PCDHA13: variants seen among roughly 807,000 people sequenced by gnomAD.
The protein encoded by PCDHA13 is protocadherin alpha-13.
Under a neutral mutation model 64.8 loss-of-function variants are expected in PCDHA13, and 54 were observed. That is an observed-to-expected ratio of 0.83 (90% CI 0.67 to 1.04). The LOEUF is 1.04. PCDHA13 is among the 50% of genes least tolerant of loss of function. The pLI is 0.00. For missense variants in PCDHA13, 1,248 were observed against 1,254.3 expected, an observed-to-expected ratio of 0.99 and a Z score of 0.08; for synonymous variants, 587 against 564.4, an observed-to-expected ratio of 1.04 and a Z score of -0.57.
intron 1 of PCDHA13, among the ~76,000 whole-genome samples, chr5:140,894,571 T>C (rs782019282): frequency 2.0e-5 from 3 of 151,906 alleles, no homozygotes; most frequent in Non-Finnish European, 4.4e-5. Flanking sequence ...TTATTTTCCT[T>C]TTTTTTAATA....
intron 1 of PCDHA13, among the ~76,000 whole-genome samples, chr5:140,900,673 A>G (rs936784929): frequency 3.3e-5 from 5 of 152,210 alleles, no homozygotes; most frequent in African/African-American, 1.2e-4. Flanking sequence ...GAGTGCAGTT[A>G]TCTCTTCAAT....
intron 1 of PCDHA13, among the ~76,000 whole-genome samples, chr5:140,971,749 CAT>C (rs143190557): frequency 0.047 from 7,111 of 152,104 alleles, 190 homozygotes; most frequent in Non-Finnish European, 0.062. Context: ...ACATATATCT[CAT>C]ATTACTGAAT....
chr5:140,939,673 T>C (rs1235567287), intron 1 of PCDHA13, among the ~76,000 whole-genome samples: 1 of 152,196 alleles, frequency 6.6e-6, no homozygotes, highest in African/African-American at 2.4e-5. Context: ...CCAACTTGTA[T>C]GTATGTGTGT....
At chr5:140,956,174 C>T (rs1353306679) in intron 1 of PCDHA13, among the ~76,000 whole-genome samples, 1 of 152,154 alleles carries the variant, frequency 6.6e-6, no homozygotes. Context: ...GCCAGAACTT[C>T]CAATACTATG....
At chr5:140,916,539 A>G (rs114063131) in intron 1 of PCDHA13, among the ~76,000 whole-genome samples, 1,727 of 152,262 alleles carry the variant, frequency 0.011, 30 homozygotes, top group African/African-American at 0.038. Context: ...CACCAAGGCA[A>G]TGGGTTTTCT....
intron 1 of PCDHA13, chr5:140,929,010 G>C (rs1554206575): frequency 6.2e-7 from 1 of 1,614,128 alleles, no homozygotes; most frequent in Non-Finnish European, 8.5e-7. Flanking sequence ...TGTGTACCAA[G>C]TTGCACCAGA....
chr5:140,971,547 C>T (rs904044424), intron 1 of PCDHA13, among the ~76,000 whole-genome samples: 3 of 152,074 alleles, frequency 2.0e-5, no homozygotes, highest in Non-Finnish European at 4.4e-5. Flanking sequence ...GCCAGATCAA[C>T]CTGTTAAATT....
intron 3 of PCDHA13, among the ~76,000 whole-genome samples, chr5:140,992,722 C>T (rs1455058842): frequency 1.3e-5 from 2 of 152,154 alleles, no homozygotes; most frequent in Non-Finnish European, 2.9e-5. Context: ...ATTCGTAAAT[C>T]CCACCTGCTT....
Position 140,882,798 on chromosome 5 carries a change from A to AT in PCDHA13, c.533dup (p.Thr179HisfsTer9). 6.2e-7 allele frequency: 1 copy of AT among 1,614,236 alleles called. No homozygotes were observed. The highest frequency in any genetic ancestry group is 8.5e-7 in the Non-Finnish European group (1 of 1,180,034). ...ACCTACCGACTGGATCCCAACGATTATTTCACTTTGGACGCACAAAACAGT... is the reference window on the plus strand; with the variant it reads ...ACCTACCGACTGGATCCCAACGATTATTTTCACTTTGGACGCACAAAACAGT... On this transcript the variant is annotated frameshift_variant, in exon 1 of 4. Transcript: ENST00000289272. LOFTEE classifies it high-confidence loss of function.
rs782330844 is a variant in PCDHA13, at chr5:140,882,766, G to C, written c.498G>C (p.Ser166=). The C allele has an allele frequency of 6.2e-7, 1 of 1,614,184 alleles. No homozygotes were observed. Among genetic ancestry groups the C allele is most frequent in the Non-Finnish European group, 8.5e-7 (1 of 1,180,048 alleles). The change falls in exon 1 of 4, where the codon TCG becomes TCC. Residue 166 remains serine (S), a synonymous_variant. Coordinates refer to ENST00000289272, the MANE Select transcript of PCDHA13 (RefSeq NM_018904.3). ...CCGATGCAGATATTGGAGTAAACTC[G>C]GCATTGACCTACCGACTGGATCCCA... The part of the protein sequence containing the change: ...GASDADIGVN[S]ALTYRLDPND...
intron 1 of PCDHA13, among the ~76,000 whole-genome samples, chr5:140,918,860 A>G (rs1264660506): frequency 6.6e-6 from 1 of 152,218 alleles, no homozygotes; most frequent in Non-Finnish European, 1.5e-5. Context: ...TGCCTGAATC[A>G]TGAACTTTCA....
At chr5:140,895,666 T>A (rs538311323) in intron 1 of PCDHA13, among the ~76,000 whole-genome samples, 24 of 152,288 alleles carry the variant, frequency 1.6e-4, no homozygotes, top group African/African-American at 5.8e-4. Context: ...AGTGAGAACA[T>A]GTAGTATTTG....
At chr5:140,890,822 A>G (rs1044008204) in intron 1 of PCDHA13, among the ~76,000 whole-genome samples, 1 of 152,186 alleles carries the variant, frequency 6.6e-6, no homozygotes, top group Non-Finnish European at 1.5e-5. Context: ...TTTTAAATGT[A>G]CTTACATATT....
Position 140,978,929 on chromosome 5 carries a change from C to T in PCDHA13, c.2395-20C>T. 6.2e-7 allele frequency: 1 copy of T among 1,613,998 alleles called. No homozygotes were observed. Among genetic ancestry groups the T allele is most frequent in the Non-Finnish European group, 8.5e-7 (1 of 1,179,996 alleles). On this transcript the variant is annotated intron_variant, in intron 1 of 3. Coordinates refer to ENST00000289272, the MANE Select transcript of PCDHA13 (RefSeq NM_018904.3). ...ATTGTCTTGTCATTTTAACAGAAAACTCTCTTTGTGATTTTGCAGCCACGA... is the reference window on the plus strand; with the variant it reads ...ATTGTCTTGTCATTTTAACAGAAAATTCTCTTTGTGATTTTGCAGCCACGA...
intron 1 of PCDHA13, among the ~76,000 whole-genome samples, chr5:140,975,626 G>A (rs1234889198): frequency 6.6e-6 from 1 of 152,156 alleles, no homozygotes; most frequent in African/African-American, 2.4e-5. Flanking sequence ...GATTTCCATG[G>A]TACGAAGATA....
Position 140,982,346 on chromosome 5 carries a change from G to T in PCDHA13, c.2454-129G>T, listed in dbSNP as rs1484322650. On this transcript the variant is annotated intron_variant, in intron 2 of 3. Coordinates refer to ENST00000289272, the MANE Select transcript of PCDHA13 (RefSeq NM_018904.3). ...TGACTGCTCAGCAGTAATTGCTTCA[G>T]TTCAAGCATGAGCAGAATGTGTTAG... 2.7e-6 allele frequency: 4 copies of T among 1,492,344 alleles called. No homozygotes were observed. The Admixed American group carries it at 8.5e-5, about 32-fold the overall frequency. The allele number at this position is 1,492,344 out of a possible 1,614,324, so 92.4% of individuals were successfully genotyped here. A position where few individuals can be genotyped will look rare whatever the true frequency, so the allele number is the denominator to read the frequency against.
At chr5:140,972,197 A>G (rs2096524584) in intron 1 of PCDHA13, among the ~76,000 whole-genome samples, 1 of 152,100 alleles carries the variant, frequency 6.6e-6, no homozygotes. Context: ...GCTGGAGTAT[A>G]GGTGTGAATA....
chr5:141,000,385 CTCTCTCTCTCTA>C (rs1405113604), intron 3 of PCDHA13, among the ~76,000 whole-genome samples: 12 of 64,976 alleles, frequency 1.8e-4, no homozygotes, highest in Admixed American at 6.0e-4. Context: ...CTCTCTCTCT[CTCTCTCTCTCTA>C]TATATATATA....
At chr5:140,901,207 T>C (rs894216497) in intron 1 of PCDHA13, among the ~76,000 whole-genome samples, 1 of 152,206 alleles carries the variant, frequency 6.6e-6, no homozygotes, top group Non-Finnish European at 1.5e-5. Context: ...AGAAGGTTTT[T>C]AAGTTGATGT....
Sources: allele counts gnomAD v4.1 joint callset (sites outside exome capture counted in the v4.1 genomes callset), GRCh38; gene constraint gnomAD v4.1.1; transcripts MANE v1.5; gene names NCBI Gene and HGNC (gene_info 2026-07-23, HGNC 2026-07-21).